IL1RAPL1: variants seen among roughly 807,000 people sequenced by gnomAD.
IL1RAPL1 encodes the protein interleukin-1 receptor accessory protein-like 1.
IL1RAPL1 carries 3 observed loss-of-function variants against 48.4 expected under a neutral mutation model. The observed-to-expected ratio is 0.06, with a 90% CI of 0.03 to 0.16. The LOEUF (loss-of-function observed/expected upper bound fraction) is 0.16. Ranked by LOEUF, IL1RAPL1 falls within the 10% of genes least tolerant of loss-of-function variation. IL1RAPL1 has a pLI of 1.00. For missense variants in IL1RAPL1, 349 were observed against 530.6 expected, an observed-to-expected ratio of 0.66 and a Z score of 3.36; for synonymous variants, 185 against 187.7, an observed-to-expected ratio of 0.99 and a Z score of 0.12.
At position 29,584,441 on chromosome X, in the gene IL1RAPL1, A is replaced by G. The variant is rs1923087785; in HGVS notation, c.704-83989A>G. Reference sequence around the variant, plus strand: ...TGCCTAAAATTTCTTCAATTTCTTTAATTAATTTATCTCCTCCCATTCTTA... The same window carrying G: ...TGCCTAAAATTTCTTCAATTTCTTTGATTAATTTATCTCCTCCCATTCTTA... On this transcript the variant is annotated intron_variant, in intron 5 of 10. Coordinates refer to ENST00000378993, the MANE Select transcript of IL1RAPL1 (RefSeq NM_014271.4). Among the ~76,000 whole-genome samples, 3 of 111,556 alleles carry G rather than the reference A, an allele frequency of 2.7e-5. No homozygotes were observed. The South Asian group carries it at 1.1e-3, about 42-fold the overall frequency.
chrX:29,025,957 G>A (rs752839917), intron 2 of IL1RAPL1, among the ~76,000 whole-genome samples: 1 of 111,709 alleles, frequency 9.0e-6, no homozygotes, highest in African/African-American at 3.2e-5. Flanking sequence ...GACTAAATAC[G>A]TAAATAAAGT....
intron 2 of IL1RAPL1, among the ~76,000 whole-genome samples, chrX:28,795,359 T>C (rs1306360962): frequency 9.0e-6 from 1 of 111,692 alleles, no homozygotes; most frequent in Non-Finnish European, 1.9e-5. Context: ...ATATCTATGT[T>C]CTGTTATACC....
Position 29,548,205 on chromosome X carries a change from G to T in IL1RAPL1, c.704-120225G>T, listed in dbSNP as rs1368363116. Among the ~76,000 whole-genome samples, 3 of 112,577 alleles carry T rather than the reference G, an allele frequency of 2.7e-5. No homozygotes were observed. The Admixed American group carries it at 2.8e-4, about 11-fold the overall frequency. On this transcript the variant is annotated intron_variant, in intron 5 of 10. Transcript: ENST00000378993. The stretch of plus-strand genomic sequence containing the variant: ...TATGCAAATGAAGAGAGCAGTTTAA[G>T]CATTTTAAATGTTTTATTTCTCGTA...
intron 6 of IL1RAPL1, among the ~76,000 whole-genome samples, chrX:29,718,540 G>C (rs1340418748): frequency 1.9e-5 from 2 of 104,092 alleles, no homozygotes; most frequent in East Asian, 6.0e-4. Flanking sequence ...AACCACCAGG[G>C]TACATGTATA....
At chrX:29,914,360 T>C (rs1330467942) in intron 6 of IL1RAPL1, among the ~76,000 whole-genome samples, 2 of 111,743 alleles carry the variant, frequency 1.8e-5, no homozygotes, top group Non-Finnish European at 3.8e-5. Flanking sequence ...GTAATTCAGG[T>C]TCCAATGAGG....
chrX:29,777,453 T>A (rs1299812162), intron 6 of IL1RAPL1, among the ~76,000 whole-genome samples: 1 of 112,042 alleles, frequency 8.9e-6, no homozygotes, highest in Admixed American at 9.5e-5. Flanking sequence ...AAATAGTTAA[T>A]CATATTTAAT....
intron 6 of IL1RAPL1, among the ~76,000 whole-genome samples, chrX:29,884,094 C>G (rs1932087429): frequency 9.0e-6 from 1 of 111,613 alleles, no homozygotes; most frequent in Admixed American, 9.6e-5. Flanking sequence ...CTCAAAAATG[C>G]TCAAGGATAC....
chrX:29,845,525 C>T (rs1017826788), intron 6 of IL1RAPL1, among the ~76,000 whole-genome samples: 1 of 111,758 alleles, frequency 8.9e-6, no homozygotes, highest in African/African-American at 3.3e-5. Flanking sequence ...AGCAAATAAT[C>T]GTGACACAAC....
intron 6 of IL1RAPL1, among the ~76,000 whole-genome samples, chrX:29,766,345 AT>A (rs1569163204): frequency 3.7e-4 from 17 of 45,519 alleles, no homozygotes; most frequent in African/African-American, 1.1e-3. Flanking sequence ...AAAAAAAAAT[AT>A]ATATATATAT....
At chrX:29,479,422 A>AAAAAAAAAAAAAAAAAAAG (rs1935013517) in intron 5 of IL1RAPL1, among the ~76,000 whole-genome samples, 1 of 105,771 alleles carries the variant, frequency 9.5e-6, no homozygotes, top group Non-Finnish European at 1.9e-5. Context: ...CTCAAAAAAA[A>AAAAAAAAAAAAAAAAAAAG]AAAAAAAAAT....
chrX:29,473,900 A>G (rs1934947841), intron 5 of IL1RAPL1, among the ~76,000 whole-genome samples: 1 of 111,446 alleles, frequency 9.0e-6, no homozygotes, highest in South Asian at 3.8e-4. Flanking sequence ...AAATCCAAAC[A>G]TTACTTAAGT....
At chrX:29,923,759 C>T (rs967629162) in intron 8 of IL1RAPL1, among the ~76,000 whole-genome samples, 1 of 111,647 alleles carries the variant, frequency 9.0e-6, no homozygotes. Context: ...CTGTCCTATT[C>T]TCTCCATTTT....
In IL1RAPL1 at chrX:29,803,093, A is replaced by G. The variant is rs188790865; in HGVS notation, c.779-114371A>G. On this transcript the variant is annotated intron_variant, in intron 6 of 10. Transcript: ENST00000378993. ...CATGTATACATATATGTGTATATGTATACATGTATACATATATGTATATAT... is the reference window on the plus strand; with the variant it reads ...CATGTATACATATATGTGTATATGTGTACATGTATACATATATGTATATAT... 6.2e-3 allele frequency among the ~76,000 whole-genome samples: 561 copies of G among 90,874 alleles called. 32 individuals are homozygous for G. Among genetic ancestry groups the G allele is most frequent in the African/African-American group, 0.021 (522 of 24,775 alleles). 78.9% of individuals were successfully genotyped at this position (90,874 alleles called of 115,157 possible).
chrX:29,570,737 T>C (rs953793715), intron 5 of IL1RAPL1, among the ~76,000 whole-genome samples: 31 of 112,180 alleles, frequency 2.8e-4, no homozygotes, highest in African/African-American at 9.7e-4. Flanking sequence ...CTATTCCATT[T>C]GAGTCTCCCC....
chrX:29,856,019 C>A (rs893389416), intron 6 of IL1RAPL1, among the ~76,000 whole-genome samples: 2 of 111,277 alleles, frequency 1.8e-5, no homozygotes, highest in African/African-American at 3.3e-5. Context: ...AGCTATGTAT[C>A]CTCTATTAAA....
chrX:29,685,975 A>G (rs1926604371), intron 6 of IL1RAPL1, among the ~76,000 whole-genome samples: 1 of 108,085 alleles, frequency 9.3e-6, no homozygotes, highest in South Asian at 4.1e-4. Flanking sequence ...ATAGAGTGAG[A>G]CTCCGTCTCA....
At chrX:29,402,316 C>G (rs754345002) in intron 5 of IL1RAPL1, among the ~76,000 whole-genome samples, 1 of 110,860 alleles carries the variant, frequency 9.0e-6, no homozygotes, top group African/African-American at 3.3e-5. Flanking sequence ...ACCCTTTCTT[C>G]AAGGCACAGC....
chrX:28,842,711 A>G (rs903235260), intron 2 of IL1RAPL1, among the ~76,000 whole-genome samples: 89 of 112,199 alleles, frequency 7.9e-4, no homozygotes, highest in African/African-American at 2.8e-3. Context: ...TTTACTTAAT[A>G]AAAGCTTGGC....
intron 6 of IL1RAPL1, among the ~76,000 whole-genome samples, chrX:29,812,867 A>T (rs1930407969): frequency 1.8e-5 from 2 of 111,288 alleles, no homozygotes; most frequent in East Asian, 2.8e-4. Context: ...GTGGTATAAT[A>T]TTCATAGATA....
Sources: gnomAD v4.1 joint callset for allele counts (sites outside exome capture counted in the v4.1 genomes callset) on GRCh38, gnomAD v4.1.1 for gene constraint, MANE v1.5 for transcripts, NCBI Gene and HGNC (gene_info 2026-07-23, HGNC 2026-07-21) for gene names.